USP24: variants seen among roughly 807,000 people sequenced by gnomAD.
The protein encoded by USP24 is ubiquitin specific peptidase 24, also known as ubiquitin carboxyl-terminal hydrolase 24.
A neutral mutation model predicts 361.6 loss-of-function variants in USP24; 97 were observed. The ratio of observed to expected loss-of-function variants is 0.27; its 90% CI spans 0.23 to 0.32. The LOEUF (loss-of-function observed/expected upper bound fraction) is 0.32, where lower values mean the gene tolerates loss of function less well. USP24 is among the 10% of genes least tolerant of loss of function. USP24 has a pLI of 1.00. For synonymous variants in USP24, 1,098 were observed against 1,124.6 expected, an observed-to-expected ratio of 0.98 and a Z score of 0.47; for missense variants, 2,353 against 3,165.6, an observed-to-expected ratio of 0.74 and a Z score of 6.16.
chr1:55,098,076 C>T lies in USP24; in HGVS notation c.5462G>A (p.Arg1821His), dbSNP rs1333432275. ...ICKDCPHRYEREEAFMALNLG... is the reference protein window; with the variant it reads ...ICKDCPHRYEHEEAFMALNLG... ...ATTGAGAGCCATGAAAGCTTCTTCA[C>T]GCTCATATCTGATTAGGAAATAACA... Residue 1821 changes from arginine to histidine, a missense_variant, in exon 47 of 68, where the codon CGT becomes CAT. This residue lies in a region of USP24 where 105 missense variants were observed against 200.3 expected (regional missense o/e 0.52). Coordinates refer to ENST00000294383, the MANE Select transcript of USP24 (RefSeq NM_015306.3). 4 of 1,597,430 alleles carry T rather than the reference C, an allele frequency of 2.5e-6. No individual in the cohort carries two copies. Among genetic ancestry groups the T allele is most frequent in the East Asian group, 2.2e-5 (1 of 44,774 alleles).
rs1406325184 is a variant in USP24, at chr1:55,097,627, G to A, written c.5686C>T (p.Arg1896Cys). 5 of 1,578,192 alleles carry A rather than the reference G, an allele frequency of 3.2e-6. No homozygotes were observed. In the South Asian group the frequency reaches 3.5e-5, roughly 11 times the overall value. The part of the protein sequence containing the change: ...MRFGFDWESG[R>C]SIKYDEQIRF... ...ATTTGTTCATCATATTTAATGGAGC[G>A]TCCGCTTTCCCAGTCAAACCCAAAT... The change falls in exon 48 of 68, where the codon CGC becomes TGC. Residue 1896 changes from arginine (R) to cysteine (C), a missense_variant. By Grantham distance (180) the Arg-to-Cys change is radical (BLOSUM62 -3). Around this residue, in one of 8 missense-constraint regions of USP24, gnomAD observed 105 missense variants for 200.3 expected, o/e 0.52. Coordinates refer to ENST00000294383, the MANE Select transcript of USP24 (RefSeq NM_015306.3).
At chr1:55,075,770 T>C (rs562262042) in intron 62 of USP24, among the ~76,000 whole-genome samples, 1 of 152,112 alleles carries the variant, frequency 6.6e-6, no homozygotes, top group Non-Finnish European at 1.5e-5. Context: ...AGTTCTGAAC[T>C]AGCCTGGGCA....
chr1:55,108,483 C>A (rs1048014041), intron 39 of USP24, among the ~76,000 whole-genome samples: 1 of 152,152 alleles, frequency 6.6e-6, no homozygotes, highest in African/African-American at 2.4e-5. Context: ...TACTGTATGA[C>A]CTTGTTTCCT....
At chr1:55,212,746 G>T (rs1286577582) in intron 1 of USP24, among the ~76,000 whole-genome samples, 2 of 152,204 alleles carry the variant, frequency 1.3e-5, no homozygotes, top group East Asian at 3.8e-4. Context: ...GGGTAAAGCA[G>T]CCTCAGTCAC....
At chr1:55,138,045 C>G in intron 26 of USP24, 141 bp from the exon 27 acceptor site, 1 of 750,754 alleles carries the variant, frequency 1.3e-6, no homozygotes, top group Non-Finnish European at 2.1e-6. Context: ...AGAACCCCTG[C>G]CCTCGTGAGG....
chr1:55,187,108 A>G (rs1488403385), intron 1 of USP24, among the ~76,000 whole-genome samples: 2 of 152,160 alleles, frequency 1.3e-5, no homozygotes, highest in Non-Finnish European at 2.9e-5. Flanking sequence ...TAGGTTTAGT[A>G]TACAAAAAAA....
At chr1:55,090,065 C>T (rs1645341485) in intron 54 of USP24, among the ~76,000 whole-genome samples, 1 of 152,168 alleles carries the variant, frequency 6.6e-6, no homozygotes, top group African/African-American at 2.4e-5. Flanking sequence ...GACAAAAGGC[C>T]TGAACTATAG....
At chr1:55,069,996 T>A (rs1174775512) in intron 67 of USP24, among the ~76,000 whole-genome samples, 1 of 150,046 alleles carries the variant, frequency 6.7e-6, no homozygotes. Flanking sequence ...CTTTGAAAGG[T>A]TTTAGTGCAT....
intron 36 of USP24, 35 bp from the exon 37 acceptor site, chr1:55,121,541 A>C: frequency 6.3e-7 from 1 of 1,579,706 alleles, no homozygotes; most frequent in Non-Finnish European, 8.7e-7. Context: ...GGGTGTGTGA[A>C]ACAAGTTAGG....
In USP24 at chr1:55,171,695, C is replaced by G. The variant is rs1358071323; in HGVS notation, c.703-17G>C. 2 of 1,593,802 alleles carry G rather than the reference C, an allele frequency of 1.3e-6. No homozygotes were observed. ...ATTGAAAGCCTAGATTCAAAGAGAA[C>G]AGAGAAACATTATTATCTATTTCTA... is the stretch of plus-strand genomic sequence containing the variant. On this transcript the variant is annotated splice_polypyrimidine_tract_variant and intron_variant, in intron 4 of 67. Transcript: ENST00000294383.
At chr1:55,183,967 G>C (rs1194519287) in intron 1 of USP24, among the ~76,000 whole-genome samples, 2 of 152,122 alleles carry the variant, frequency 1.3e-5, no homozygotes, top group African/African-American at 2.4e-5. Flanking sequence ...TAACCAAAGA[G>C]AGCAGGGGTG....
intron 27 of USP24, 32 bp from the exon 28 acceptor site, chr1:55,137,720 G>A: frequency 1.3e-6 from 2 of 1,595,180 alleles, no homozygotes; most frequent in Non-Finnish European, 1.7e-6. Flanking sequence ...TTATTGAGAG[G>A]AAAAGGAAGA....
chr1:55,101,043 AC>A, intron 43 of USP24, 79 bp from the exon 44 acceptor site: 2 of 1,480,118 alleles, frequency 1.4e-6, no homozygotes, highest in Admixed American at 4.5e-5. Flanking sequence ...ACATGTTAGT[AC>A]CCACATTGCT....
chr1:55,192,940 C>G (rs922914640), intron 1 of USP24, among the ~76,000 whole-genome samples: 1 of 152,116 alleles, frequency 6.6e-6, no homozygotes, highest in African/African-American at 2.4e-5. Context: ...CTGCATTAAC[C>G]CTTCTTGGTT....
chr1:55,109,382 T>C (rs754645198), intron 39 of USP24, among the ~76,000 whole-genome samples: 48 of 152,354 alleles, frequency 3.2e-4, no homozygotes, highest in Admixed American at 5.9e-4. Context: ...CATTACATGA[T>C]GGCCTTTGTA....
At chr1:55,084,932 G>C (rs924952929) in intron 56 of USP24, among the ~76,000 whole-genome samples, 1 of 152,220 alleles carries the variant, frequency 6.6e-6, no homozygotes, top group African/African-American at 2.4e-5. Context: ...CTTTGTTTGG[G>C]TTGGTACATG....
At chr1:55,114,237 A>G (rs989563212) in intron 38 of USP24, among the ~76,000 whole-genome samples, 1 of 152,228 alleles carries the variant, frequency 6.6e-6, no homozygotes, top group Non-Finnish European at 1.5e-5. Flanking sequence ...TCAAGGAAAT[A>G]AGAGAGGACA....
rs1293628517 is a variant in USP24, at chr1:55,142,871, T to C, written c.2581-76A>G. ...CATTATTCAGGACAAAATATCAAAA[T>C]AAAGAAGCCAATTTTTGGTCATGCC... On this transcript the variant is annotated intron_variant, in intron 22 of 67. Transcript: ENST00000294383. 12 of 1,428,660 alleles carry C rather than the reference T, an allele frequency of 8.4e-6. No individual in the cohort carries two copies. In the East Asian group the frequency reaches 1.0e-4, roughly 12 times the overall value. 88.5% of individuals were successfully genotyped at this position (1,428,660 alleles called of 1,614,324 possible).
intron 63 of USP24, among the ~76,000 whole-genome samples, chr1:55,074,679 TAA>T (rs892636093): frequency 8.0e-5 from 10 of 125,076 alleles, no homozygotes; most frequent in Admixed American, 1.7e-4. Context: ...AATAAATAAA[TAA>T]AAATAAAAAA....
Sources: gnomAD v4.1 joint callset for allele counts (sites outside exome capture counted in the v4.1 genomes callset) on GRCh38, gnomAD v4.1.1 for gene constraint, gnomAD v4.1.1 regional missense constraint, MANE v1.5 for transcripts, NCBI Gene and HGNC (gene_info 2026-07-23, HGNC 2026-07-21) for gene names.